MCC: variants seen among roughly 807,000 people sequenced by gnomAD.
MCC encodes MCC regulator of Wnt signaling pathway, also known as colorectal mutant cancer protein.
MCC carries 90 observed loss-of-function variants against 116.2 expected under a neutral mutation model. That is an observed-to-expected ratio of 0.77 (90% CI 0.65 to 0.92). MCC has a LOEUF of 0.92. Among genes scored for constraint, MCC ranks in the 40% least tolerant of loss-of-function variants. The probability of loss-of-function intolerance (pLI) is 0.00; values close to 1 mark genes in which losing one functional copy is unlikely to be tolerated. For synonymous variants in MCC, 578 were observed against 510.5 expected (o/e 1.13, Z -1.78); for missense variants, 1,516 against 1,312.2 (o/e 1.16, Z -2.40).
At chr5:113,173,039 A>G (rs932452367) in intron 3 of MCC, among the ~76,000 whole-genome samples, 1 of 152,160 alleles carries the variant, frequency 6.6e-6, no homozygotes, top group Non-Finnish European at 1.5e-5. Flanking sequence ...TTTGATGTAT[A>G]TAACAGATAT....
intron 3 of MCC, among the ~76,000 whole-genome samples, chr5:113,223,359 A>G (rs1380245762): frequency 2.0e-5 from 3 of 152,214 alleles, no homozygotes; most frequent in Admixed American, 1.3e-4. Flanking sequence ...CTAGCCATAC[A>G]AAATCCATGA....
Position 113,104,368 on chromosome 5 carries a change from G to T in MCC, c.1028-13C>A. Reference sequence around the variant, plus strand: ...TCACTGCAGTTGTCTGTGAGTGAATGAAGACAAAATGCGTTACACAGGGCA... The same window carrying T: ...TCACTGCAGTTGTCTGTGAGTGAATTAAGACAAAATGCGTTACACAGGGCA... On this transcript the variant is annotated splice_polypyrimidine_tract_variant and intron_variant, in intron 6 of 18. Coordinates refer to ENST00000408903, the MANE Select transcript of MCC (RefSeq NM_001085377.2). 6.3e-7 allele frequency: 1 copy of T among 1,597,530 alleles called. No homozygotes were observed. The highest frequency in any genetic ancestry group is 8.5e-7 in the Non-Finnish European group (1 of 1,169,906).
At chr5:113,090,261 G>A (rs765913155) in intron 8 of MCC, among the ~76,000 whole-genome samples, 18 of 152,004 alleles carry the variant, frequency 1.2e-4, no homozygotes, top group Non-Finnish European at 1.8e-4. Context: ...GGGAAGATGC[G>A]AAACAGGGAC....
At chr5:113,355,265 G>C (rs1306607472) in intron 2 of MCC, among the ~76,000 whole-genome samples, 2 of 152,142 alleles carry the variant, frequency 1.3e-5, no homozygotes, top group Non-Finnish European at 2.9e-5. Flanking sequence ...CAAAGCTAGA[G>C]GATACTCTTG....
intron 17 of MCC, among the ~76,000 whole-genome samples, chr5:113,037,880 A>G (rs928867575): frequency 6.6e-6 from 1 of 152,194 alleles, no homozygotes; most frequent in East Asian, 1.9e-4. Context: ...GCATGGGGAA[A>G]CATTTGAAAT....
intron 12 of MCC, 29 bp downstream of exon 12, chr5:113,071,065 T>C: frequency 6.3e-6 from 10 of 1,597,692 alleles, no homozygotes; most frequent in Non-Finnish European, 8.5e-6. Flanking sequence ...TACCCTGAAG[T>C]AGCTCCAAAC....
intron 1 of MCC, among the ~76,000 whole-genome samples, chr5:113,456,186 T>C (rs1290257130): frequency 1.1e-4 from 17 of 152,140 alleles, no homozygotes; most frequent in Non-Finnish European, 2.9e-5. Flanking sequence ...GCCTAACCTA[T>C]TTATGGCTAT....
intron 1 of MCC, among the ~76,000 whole-genome samples, chr5:113,453,531 C>T (rs1029975383): frequency 2.6e-5 from 4 of 152,228 alleles, no homozygotes; most frequent in African/African-American, 9.6e-5. Flanking sequence ...TCAGCAAAGG[C>T]AGGCGCCGTG....
Position 113,440,571 on chromosome 5 carries a change from GAAAGT to G in MCC, c.170+47669_170+47673del, listed in dbSNP as rs533572021. Among the ~76,000 whole-genome samples the G allele has an allele frequency of 6.5e-3, 981 of 151,846 alleles. 7 individuals are homozygous for G. The highest frequency in any genetic ancestry group is 0.022 in the African/African-American group (918 of 41,388). The stretch of plus-strand genomic sequence containing the variant: ...TTATTTAAAGAAAAGAAAAAAATAA[GAAAGT>G]AAAGAAGAAACGGAAGGAGAAAGAG... On this transcript the variant is annotated intron_variant, in intron 1 of 18. Transcript: ENST00000408903.
At chr5:113,129,190 A>T (rs973622716) in intron 5 of MCC, among the ~76,000 whole-genome samples, 1 of 152,112 alleles carries the variant, frequency 6.6e-6, no homozygotes, top group Non-Finnish European at 1.5e-5. Flanking sequence ...TAAAGGTGTG[A>T]GAGAGAGAGT....
intron 8 of MCC, among the ~76,000 whole-genome samples, chr5:113,097,442 T>C (rs777740104): frequency 6.6e-6 from 1 of 152,218 alleles, no homozygotes; most frequent in Non-Finnish European, 1.5e-5. Flanking sequence ...ATTACCATTA[T>C]GATGTTGGTT....
intron 3 of MCC, among the ~76,000 whole-genome samples, chr5:113,217,507 G>T (rs1763369318): frequency 6.7e-6 from 1 of 149,080 alleles, no homozygotes; most frequent in Non-Finnish European, 1.5e-5. Context: ...AGTACATGGG[G>T]GCTAGAACAG....
At chr5:113,153,438 A>T (rs1347171701) in intron 3 of MCC, among the ~76,000 whole-genome samples, 1 of 152,204 alleles carries the variant, frequency 6.6e-6, no homozygotes, top group Non-Finnish European at 1.5e-5. Context: ...AGAGGGGTCC[A>T]GGATGGGTCA....
intron 1 of MCC, among the ~76,000 whole-genome samples, chr5:113,472,051 T>A (rs1772108177): frequency 6.6e-6 from 1 of 152,144 alleles, no homozygotes; most frequent in African/African-American, 2.4e-5. Flanking sequence ...ATTTTCCAGG[T>A]GCCGTCTGTC....
intron 3 of MCC, among the ~76,000 whole-genome samples, chr5:113,258,690 G>C (rs1319056114): frequency 6.6e-6 from 1 of 152,218 alleles, no homozygotes; most frequent in Non-Finnish European, 1.5e-5. Context: ...ACTCACTTAG[G>C]AGAACTGAGG....
intron 17 of MCC, among the ~76,000 whole-genome samples, chr5:113,033,020 T>G (rs1163339959): frequency 6.6e-6 from 1 of 152,266 alleles, no homozygotes; most frequent in Non-Finnish European, 1.5e-5. Flanking sequence ...CCAAGGCTGC[T>G]CTATGGAGTA....
rs1011950334 is a variant in MCC, at chr5:113,023,790, A to T, written c.*3512T>A. On this transcript the variant is annotated 3_prime_UTR_variant, in exon 19 of 19. Coordinates refer to ENST00000408903, the MANE Select transcript of MCC (RefSeq NM_001085377.2). ...ATCACTTTAAAGCTTGATAATCGAAACTCTTGAGAGCTATTAAGGTTGACT... is the reference window on the plus strand; with the variant it reads ...ATCACTTTAAAGCTTGATAATCGAATCTCTTGAGAGCTATTAAGGTTGACT... The T allele has an allele frequency of 6.6e-6, 1 of 152,032 alleles. No individual in the cohort carries two copies. Among genetic ancestry groups the T allele is most frequent in the Non-Finnish European group, 1.5e-5 (1 of 67,996 alleles). 9.4% of individuals were successfully genotyped at this position (152,032 alleles called of 1,614,324 possible). A position where few individuals can be genotyped will look rare whatever the true frequency, so the allele number is the denominator to read the frequency against.
At chr5:113,138,815 C>A (rs1318797647) in intron 5 of MCC, among the ~76,000 whole-genome samples, 2 of 152,154 alleles carry the variant, frequency 1.3e-5, no homozygotes, top group African/African-American at 4.8e-5. Flanking sequence ...TTATAAGTAC[C>A]TGCCATTCTC....
chr5:113,119,139 T>C (rs1247191788), intron 6 of MCC, among the ~76,000 whole-genome samples: 2 of 152,224 alleles, frequency 1.3e-5, no homozygotes, highest in African/African-American at 4.8e-5. Flanking sequence ...AGTATTTGAG[T>C]ATCTCCTACG....
Sources: gnomAD v4.1 joint callset for allele counts (sites outside exome capture counted in the v4.1 genomes callset) on GRCh38, gnomAD v4.1.1 for gene constraint, MANE v1.5 for transcripts, NCBI Gene and HGNC (gene_info 2026-07-23, HGNC 2026-07-21) for gene names.